Variants in ROBO2 observed in about 807,000 individuals in gnomAD.
The protein encoded by ROBO2 is roundabout guidance receptor 2.
Under a neutral mutation model 160.8 loss-of-function variants are expected in ROBO2, and 53 were observed. The ratio of observed to expected loss-of-function variants is 0.33; its 90% confidence interval spans 0.26 to 0.41. The LOEUF is 0.41. ROBO2 is among the 10% of genes least tolerant of loss of function. ROBO2 has a pLI of 1.00. For missense variants in ROBO2, 1,577 were observed against 1,722.4 expected (o/e 0.92, Z 1.49); for synonymous variants, 664 against 611.7 (o/e 1.09, Z -1.26).
chr3:77,262,609 T>C (rs2058846191), intron 2 of ROBO2, among the ~76,000 whole-genome samples: 1 of 151,974 alleles, frequency 6.6e-6, no homozygotes, highest in African/African-American at 2.4e-5. Flanking sequence ...AGAGTGAGCT[T>C]ACAACTCTTG....
At chr3:77,169,330 G>T (rs1027659082) in intron 2 of ROBO2, among the ~76,000 whole-genome samples, 18 of 152,160 alleles carry the variant, frequency 1.2e-4, no homozygotes, top group East Asian at 1.9e-4. Flanking sequence ...AAATAGCCCT[G>T]TTTGAATTTT....
intron 2 of ROBO2, among the ~76,000 whole-genome samples, chr3:77,126,782 C>CTT (rs11365042): frequency 0.026 from 1,609 of 62,394 alleles, 1 homozygote; most frequent in Non-Finnish European, 0.031. Context: ...TTTGAAACTT[C>CTT]TTTTTTTTTT....
chr3:77,029,524 G>A (rs753769426), intron 2 of ROBO2, among the ~76,000 whole-genome samples: 18 of 152,114 alleles, frequency 1.2e-4, no homozygotes, highest in Non-Finnish European at 2.4e-4. Context: ...GCTGCCATAG[G>A]CAATTGTGTA....
chr3:76,297,804 A>C, intron 2 of ROBO2, among the ~76,000 whole-genome samples: 1 of 152,006 alleles, frequency 6.6e-6, no homozygotes, highest in East Asian at 1.9e-4. Flanking sequence ...GCAAATGAAG[A>C]AGTGTGTTTA....
intron 3 of ROBO2, among the ~76,000 whole-genome samples, chr3:77,480,551 T>C (rs2084566547): frequency 6.6e-6 from 1 of 152,182 alleles, no homozygotes; most frequent in Admixed American, 6.6e-5. Flanking sequence ...CCAAGAATTA[T>C]CTCTTAAATA....
At chr3:75,968,064 C>T (rs1312549929) in intron 2 of ROBO2, among the ~76,000 whole-genome samples, 7 of 151,424 alleles carry the variant, frequency 4.6e-5, no homozygotes, top group African/African-American at 1.2e-4. Flanking sequence ...GTTTTTGTTA[C>T]GTTATTTTCG....
At chr3:76,796,469 A>G (rs912445910) in intron 2 of ROBO2, among the ~76,000 whole-genome samples, 1 of 108,710 alleles carries the variant, frequency 9.2e-6, no homozygotes, top group Non-Finnish European at 1.8e-5. Context: ...GACCCAAAGG[A>G]AGGAAGGAAG....
At chr3:77,138,922 T>C (rs965140927) in intron 2 of ROBO2, among the ~76,000 whole-genome samples, 2 of 151,860 alleles carry the variant, frequency 1.3e-5, no homozygotes, top group African/African-American at 4.8e-5. Flanking sequence ...AAAAAAAAAA[T>C]GTCTGACTCT....
chr3:77,466,267 G>A (rs1235930487), intron 2 of ROBO2, among the ~76,000 whole-genome samples: 2 of 152,142 alleles, frequency 1.3e-5, no homozygotes, highest in Non-Finnish European at 2.9e-5. Flanking sequence ...TCATGATAGT[G>A]TAGTGCCCAT....
intron 2 of ROBO2, among the ~76,000 whole-genome samples, chr3:76,943,477 T>G (rs928120148): frequency 2.0e-5 from 3 of 152,232 alleles, no homozygotes; most frequent in African/African-American, 7.2e-5. Context: ...AATTAGTTCT[T>G]TGAAGAAGGC....
intron 2 of ROBO2, among the ~76,000 whole-genome samples, chr3:76,624,666 G>A (rs1252037991): frequency 6.6e-6 from 1 of 151,450 alleles, no homozygotes; most frequent in Non-Finnish European, 1.5e-5. Flanking sequence ...CGGGCATGGT[G>A]GCATCCCTGT....
intron 2 of ROBO2, among the ~76,000 whole-genome samples, chr3:76,054,993 C>G (rs933125502): frequency 6.6e-6 from 1 of 152,136 alleles, no homozygotes; most frequent in African/African-American, 2.4e-5. Flanking sequence ...TAAAGACATA[C>G]CCGAGACTGG....
chr3:76,251,600 A>T (rs1200869782), intron 2 of ROBO2, among the ~76,000 whole-genome samples: 1 of 152,134 alleles, frequency 6.6e-6, no homozygotes, highest in African/African-American at 2.4e-5. Context: ...TATTTTTAGC[A>T]TCAACTATAG....
At chr3:77,358,775 A>G (rs1034407580) in intron 2 of ROBO2, among the ~76,000 whole-genome samples, 1 of 152,226 alleles carries the variant, frequency 6.6e-6, no homozygotes, top group Non-Finnish European at 1.5e-5. Context: ...ACCCCAATAA[A>G]GAAACCAGTG....
intron 2 of ROBO2, among the ~76,000 whole-genome samples, chr3:76,864,176 G>A (rs937370783): frequency 4.6e-5 from 7 of 151,988 alleles, no homozygotes; most frequent in Admixed American, 2.0e-4. Flanking sequence ...ATACATCTGG[G>A]AACTTTATCA....
At chr3:76,771,593 C>T (rs1313926772) in intron 2 of ROBO2, among the ~76,000 whole-genome samples, 8 of 151,116 alleles carry the variant, frequency 5.3e-5, no homozygotes. Context: ...ATATTTAAGT[C>T]AAACTTAAAG....
At chr3:77,344,494 C>G (rs998061762) in intron 2 of ROBO2, among the ~76,000 whole-genome samples, 8 of 152,120 alleles carry the variant, frequency 5.3e-5, no homozygotes, top group African/African-American at 1.9e-4. Context: ...AGAAAGCTCT[C>G]TAGTCCCTTC....
At chr3:76,948,824 C>T (rs1478456895) in intron 2 of ROBO2, among the ~76,000 whole-genome samples, 1 of 139,494 alleles carries the variant, frequency 7.2e-6, no homozygotes, top group Non-Finnish European at 1.5e-5. Flanking sequence ...TCTGCCTCAG[C>T]CTCCCAAGTA....
At position 77,474,336 on chromosome 3, in the gene ROBO2, C is replaced by A. The variant is rs118186623; in HGVS notation, c.389-3078C>A. The stretch of plus-strand genomic sequence containing the variant: ...CAGGGTACGCTAATAAATTTGTGTA[C>A]CTTTTCTCCAATTAATCTGCTTTTT... On this transcript the variant is annotated intron_variant, in intron 2 of 25. Coordinates refer to ENST00000461745, the Ensembl canonical transcript of ROBO2. Among the ~76,000 whole-genome samples, 732 of 152,194 alleles carry A rather than the reference C, an allele frequency of 4.8e-3. 2 individuals are homozygous for A. The highest frequency in any genetic ancestry group is 0.024 in the East Asian group (124 of 5,166).
Sources: gnomAD v4.1 joint callset for allele counts (sites outside exome capture counted in the v4.1 genomes callset) on GRCh38, gnomAD v4.1.1 for gene constraint, MANE v1.5 for transcripts, NCBI Gene and HGNC (gene_info 2026-07-23, HGNC 2026-07-21) for gene names.